The following ADGRG6 variants were observed in gnomAD, a reference collection of about 807,000 sequenced individuals.
ADGRG6 encodes G-protein coupled receptor 126.
In ADGRG6, 84 loss-of-function variants were observed where a neutral mutation model predicts 142.4. The ratio of observed to expected loss-of-function variants is 0.59; its 90% CI spans 0.49 to 0.71. The LOEUF is 0.71. Ranked by LOEUF, ADGRG6 falls within the 30% of genes least tolerant of loss-of-function variation. The probability of loss-of-function intolerance (pLI) is 0.00; values close to 1 mark genes in which losing one functional copy is unlikely to be tolerated. For synonymous variants in ADGRG6, 521 were observed against 520.5 expected (o/e 1.00, Z -0.01); for missense variants, 1,367 against 1,466.6 (o/e 0.93, Z 1.11).
At chr6:142,421,563 T>G (rs1417802650) in intron 22 of ADGRG6, among the ~76,000 whole-genome samples, 1 of 152,142 alleles carries the variant, frequency 6.6e-6, no homozygotes, top group Non-Finnish European at 1.5e-5. Flanking sequence ...CATTAGAAAT[T>G]CCATGGTTTC....
intron 3 of ADGRG6, among the ~76,000 whole-genome samples, chr6:142,369,525 C>T (rs1191047157): frequency 1.3e-5 from 2 of 152,130 alleles, no homozygotes; most frequent in Non-Finnish European, 2.9e-5. Context: ...CCATGGTCTG[C>T]CCTTTACTAC....
chr6:142,413,718 C>A (rs1200720145), intron 18 of ADGRG6, among the ~76,000 whole-genome samples: 2 of 152,096 alleles, frequency 1.3e-5, no homozygotes, highest in Admixed American at 6.6e-5. Context: ...ACCCTGGGTG[C>A]CCCGTGTTCT....
intron 24 of ADGRG6, chr6:142,440,875 A>C: frequency 9.0e-7 from 1 of 1,116,042 alleles, no homozygotes; most frequent in Non-Finnish European, 1.3e-6. Context: ...ATTTCTTGGA[A>C]TTGATCTAGA....
rs910336310 is a variant in ADGRG6, at chr6:142,305,485, C to T, written c.2+3154C>T. ...ACACACACACAATTTTTTTCTGAAC[C>T]ATCTGAGAACAAGTTGTATGCATAA... On this transcript the variant is annotated intron_variant, in intron 1 of 24. Transcript: ENST00000367609. 1.1e-4 allele frequency among the ~76,000 whole-genome samples: 16 copies of T among 145,656 alleles called. 1 individual carries two copies. Among genetic ancestry groups the T allele is most frequent in the Non-Finnish European group, 1.5e-5 (1 of 67,202 alleles).
intron 1 of ADGRG6, among the ~76,000 whole-genome samples, chr6:142,303,536 T>C (rs559110539): frequency 6.6e-6 from 1 of 152,332 alleles, no homozygotes; most frequent in East Asian, 1.9e-4. Flanking sequence ...ACCTGGGAGT[T>C]TTAAAGTTTC....
intron 5 of ADGRG6, 23 bp from the exon 6 acceptor site, chr6:142,383,737 A>G (rs370523517): frequency 6.7e-4 from 808 of 1,213,526 alleles, no homozygotes; most frequent in Non-Finnish European, 9.5e-4. Context: ...GCAAAATTAC[A>G]TCTTTCTCAT....
chr6:142,406,197 T>TTC (rs1775798794), intron 15 of ADGRG6, among the ~76,000 whole-genome samples: 1 of 151,728 alleles, frequency 6.6e-6, no homozygotes. Context: ...AGGGTTTTTT[T>TTC]TTTTTCTTTA....
intron 22 of ADGRG6, among the ~76,000 whole-genome samples, chr6:142,425,595 C>A (rs1776898120): frequency 6.6e-6 from 1 of 152,136 alleles, no homozygotes; most frequent in Non-Finnish European, 1.5e-5. Flanking sequence ...TTAGATTTAG[C>A]TTGCAGGGAG....
chr6:142,405,174 C>T (rs944419602), intron 14 of ADGRG6: 1 of 354,900 alleles, frequency 2.8e-6, no homozygotes, highest in Middle Eastern at 4.0e-4. Flanking sequence ...CTCAGTCAAC[C>T]TCCGTCTCAT....
Position 142,400,509 on chromosome 6 carries a change from CCA to C in ADGRG6, c.1593_1594del (p.Lys532ArgfsTer11). 6.3e-7 allele frequency: 1 copy of C among 1,586,964 alleles called. No individual in the cohort carries two copies. Among genetic ancestry groups the C allele is most frequent in the Non-Finnish European group, 8.7e-7 (1 of 1,156,008 alleles). Reference sequence around the variant, plus strand: ...GGTCATTGTCTTGCCATGGAGGAACCCAAAGGCTACTACTGGCCATCTATCCA... The same window carrying C: ...GGTCATTGTCTTGCCATGGAGGAACCAAGGCTACTACTGGCCATCTATCCA... On this transcript the variant is annotated frameshift_variant, in exon 11 of 25. Transcript: ENST00000367609. LOFTEE classifies it high-confidence loss of function.
intron 9 of ADGRG6, among the ~76,000 whole-genome samples, chr6:142,397,082 C>T (rs1043550137): frequency 3.9e-5 from 6 of 151,990 alleles, no homozygotes; most frequent in Admixed American, 3.9e-4. Context: ...GCAAATGCCT[C>T]ATGGAGATAG....
intron 12 of ADGRG6, among the ~76,000 whole-genome samples, chr6:142,402,395 T>C (rs1484410814): frequency 6.6e-6 from 1 of 152,126 alleles, no homozygotes; most frequent in African/African-American, 2.4e-5. Flanking sequence ...CTTTGTGTGT[T>C]CATTCATCCC....
In ADGRG6 at chr6:142,398,060, A is replaced by G. The variant is rs115621760; in HGVS notation, c.1567+305A>G. Among the ~76,000 whole-genome samples, 893 of 152,132 alleles carry G rather than the reference A, an allele frequency of 5.9e-3. 7 individuals carry two copies. Among genetic ancestry groups the G allele is most frequent in the African/African-American group, 0.02 (836 of 41,502 alleles). ...ATCATCACTGTTGTCAACTTTAGGGAAAAAAAAGAGTGTGTAGATGTGAAT... is the reference window on the plus strand; with the variant it reads ...ATCATCACTGTTGTCAACTTTAGGGGAAAAAAAGAGTGTGTAGATGTGAAT... On this transcript the variant is annotated intron_variant, in intron 10 of 24. Coordinates refer to ENST00000367609, the MANE Select transcript of ADGRG6 (RefSeq NM_198569.3).
chr6:142,312,184 G>T (rs1777801640), intron 2 of ADGRG6, among the ~76,000 whole-genome samples: 1 of 152,034 alleles, frequency 6.6e-6, no homozygotes, highest in Non-Finnish European at 1.5e-5. Context: ...TAGGTTAGGA[G>T]ATTGGCAGAT....
chr6:142,403,766 ATTAC>A (rs770810188), intron 13 of ADGRG6, 32 bp from the exon 14 acceptor site: 6 of 1,306,016 alleles, frequency 4.6e-6, no homozygotes. Flanking sequence ...AAAATATCAT[ATTAC>A]TTAATAGTGG....
At chr6:142,389,297 C>A (rs1305046581) in intron 6 of ADGRG6, among the ~76,000 whole-genome samples, 1 of 151,704 alleles carries the variant, frequency 6.6e-6, no homozygotes, top group East Asian at 1.9e-4. Flanking sequence ...CTGTTTTCTT[C>A]AACATTGCTA....
chr6:142,359,068 A>G (rs1045814256), intron 2 of ADGRG6, among the ~76,000 whole-genome samples: 2 of 151,344 alleles, frequency 1.3e-5, no homozygotes, highest in East Asian at 1.9e-4. Flanking sequence ...ATATCTGGGC[A>G]TGGTGGTGCA....
chr6:142,367,978 C>T (rs1305967062), intron 3 of ADGRG6, 68 bp downstream of exon 3: 14 of 836,938 alleles, frequency 1.7e-5, no homozygotes, highest in Admixed American at 6.5e-5. Flanking sequence ...AACACAAGGA[C>T]CAGAAGACAG....
intron 2 of ADGRG6, among the ~76,000 whole-genome samples, chr6:142,314,891 C>T (rs746631213): frequency 2.6e-4 from 40 of 151,740 alleles, no homozygotes; most frequent in Non-Finnish European, 5.1e-4. Flanking sequence ...CACTAGTAAT[C>T]GGGACATGAA....
Sources: allele counts gnomAD v4.1 joint callset (sites outside exome capture counted in the v4.1 genomes callset), GRCh38; gene constraint gnomAD v4.1.1; transcripts MANE v1.5; gene names NCBI Gene and HGNC (gene_info 2026-07-23, HGNC 2026-07-21).